The following AHRR variants were observed in gnomAD, a reference collection of about 807,000 sequenced individuals.
AHRR encodes the protein ahR repressor.
Under a neutral mutation model 44.0 loss-of-function variants are expected in AHRR, and 28 were observed. The ratio of observed to expected loss-of-function variants is 0.64; its 90% confidence interval spans 0.47 to 0.87. AHRR has a LOEUF of 0.87. AHRR is among the 40% of genes least tolerant of loss of function. AHRR has a pLI of 0.00. For missense variants in AHRR, 990 were observed against 953.9 expected (o/e 1.04, Z -0.50); for synonymous variants, 434 against 407.0 (o/e 1.07, Z -0.80).
chr5:422,847 C>G lies in AHRR; in HGVS notation c.560C>G (p.Pro187Arg). The G allele has an allele frequency of 6.2e-7, 1 of 1,611,380 alleles. No homozygotes were observed. Among genetic ancestry groups the G allele is most frequent in the South Asian group, 1.1e-5 (1 of 90,848 alleles). The change falls in exon 6 of 11, where the codon CCC (proline) becomes CGC (arginine). Residue 187 changes from proline to arginine, a missense_variant. By Grantham distance (103) the Pro-to-Arg change is moderately radical. Coordinates refer to ENST00000684583, the MANE Select transcript of AHRR (RefSeq NM_001377236.1). ...CAGGTGGTGTTTGGGCAGCCCCCGC[C>G]CTTGGAGACAGGTGGGTGTCTGGGG... ...PPQVVFGQPPPLETGDDAILG... is the reference protein window; with the variant it reads ...PPQVVFGQPPRLETGDDAILG...
chr5:385,000 C>T (rs777724383), intron 4 of AHRR, among the ~76,000 whole-genome samples: 3 of 151,966 alleles, frequency 2.0e-5, no homozygotes, highest in Non-Finnish European at 2.9e-5. Context: ...AAAAATTATC[C>T]GGGCGTGGTG....
chr5:413,949 C>G (rs1424120516), intron 5 of AHRR, among the ~76,000 whole-genome samples: 1 of 152,220 alleles, frequency 6.6e-6, no homozygotes, highest in Non-Finnish European at 1.5e-5. Context: ...AAGGGCAACT[C>G]ACCCGGGAAA....
intron 4 of AHRR, among the ~76,000 whole-genome samples, chr5:408,369 T>C (rs554586617): frequency 6.7e-6 from 1 of 150,064 alleles, no homozygotes; most frequent in East Asian, 1.9e-4. Context: ...CAGTAATTCC[T>C]ATTTTCCTGA....
chr5:407,956 G>T (rs1374488691), intron 4 of AHRR, among the ~76,000 whole-genome samples: 1 of 152,150 alleles, frequency 6.6e-6, no homozygotes, highest in East Asian at 1.9e-4. Flanking sequence ...TTTTCATACC[G>T]AATTGCATCA....
chr5:336,392 C>T (rs770240074), intron 1 of AHRR, among the ~76,000 whole-genome samples: 6 of 152,164 alleles, frequency 3.9e-5, no homozygotes, highest in East Asian at 3.8e-4. Context: ...GTGTGATCAT[C>T]GACACATTAT....
chr5:352,956 C>G (rs907006107), intron 2 of AHRR, among the ~76,000 whole-genome samples: 1 of 152,094 alleles, frequency 6.6e-6, no homozygotes, highest in Non-Finnish European at 1.5e-5. Flanking sequence ...GGGATGGTCA[C>G]TCTGAGGTGA....
At chr5:368,315 C>T (rs536275551) in intron 3 of AHRR, among the ~76,000 whole-genome samples, 2 of 152,146 alleles carry the variant, frequency 1.3e-5, no homozygotes, top group Non-Finnish European at 2.9e-5. Flanking sequence ...TGGGCCAGGG[C>T]GCTCCCTGGC....
chr5:371,823 G>A (rs1323128177), intron 3 of AHRR, among the ~76,000 whole-genome samples: 1 of 152,184 alleles, frequency 6.6e-6, no homozygotes, highest in Admixed American at 6.5e-5. Flanking sequence ...CTTGGGGGCC[G>A]CCTGCTCCTC....
intron 4 of AHRR, among the ~76,000 whole-genome samples, chr5:380,773 A>T (rs1490356422): frequency 6.6e-6 from 1 of 152,200 alleles, no homozygotes; most frequent in African/African-American, 2.4e-5. Context: ...GTCTCCAGAG[A>T]TACAAAACCA....
intron 3 of AHRR, among the ~76,000 whole-genome samples, chr5:365,490 T>G (rs1316736409): frequency 6.6e-6 from 1 of 152,162 alleles, no homozygotes; most frequent in Non-Finnish European, 1.5e-5. Context: ...TAAATAATCT[T>G]AAGTGTTTAT....
chr5:381,506 CTTTTTTTTTT>C (rs781159124), intron 4 of AHRR, among the ~76,000 whole-genome samples: 38 of 46,914 alleles, frequency 8.1e-4, no homozygotes, highest in South Asian at 4.3e-3. Context: ...CTTAGGTTTG[CTTTTTTTTTT>C]TTTTTTTTTT....
chr5:373,728 C>T (rs1380009723), intron 3 of AHRR, among the ~76,000 whole-genome samples: 1 of 151,132 alleles, frequency 6.6e-6, no homozygotes, highest in Non-Finnish European at 1.5e-5. Flanking sequence ...CTGGGGAGGC[C>T]GTGGCCGGGT....
At chr5:374,224 C>T (rs975728601) in intron 3 of AHRR, among the ~76,000 whole-genome samples, 14 of 152,148 alleles carry the variant, frequency 9.2e-5, no homozygotes, top group African/African-American at 3.4e-4. Flanking sequence ...GGGGGTCTCA[C>T]GGGGCGACCC....
intron 6 of AHRR, among the ~76,000 whole-genome samples, chr5:423,118 G>C (rs112995892): frequency 3.8e-4 from 58 of 152,196 alleles, no homozygotes; most frequent in African/African-American, 1.3e-3. Flanking sequence ...TGAGGTCACC[G>C]CCATTCTTGT....
In AHRR at chr5:400,779, G is replaced by T. The variant is rs556633369; in HGVS notation, c.352-12565G>T. Among the ~76,000 whole-genome samples, 135 of 152,300 alleles carry T rather than the reference G, an allele frequency of 8.9e-4. 2 individuals are homozygous for T. Among genetic ancestry groups the T allele is most frequent in the Middle Eastern group, 3.4e-3 (1 of 294 alleles). ...TGCCTTGTGAGTTAAAATTAAGGTTGCTTTTGGTTGTGACTAATCTCATAA... is the reference window on the plus strand; with the variant it reads ...TGCCTTGTGAGTTAAAATTAAGGTTTCTTTTGGTTGTGACTAATCTCATAA... On this transcript the variant is annotated intron_variant, in intron 4 of 10. Coordinates refer to ENST00000684583, the MANE Select transcript of AHRR (RefSeq NM_001377236.1).
intron 5 of AHRR, chr5:421,177 G>C: frequency 3.3e-6 from 2 of 599,828 alleles, no homozygotes; most frequent in South Asian, 3.7e-5. Flanking sequence ...CTGGCGCCCG[G>C]CTGGTGCCGG....
chr5:332,929 C>CTTTTTTTTTTT (rs57937804), intron 1 of AHRR, among the ~76,000 whole-genome samples: 1 of 132,082 alleles, frequency 7.6e-6, no homozygotes, highest in African/African-American at 3.0e-5. Flanking sequence ...TGACCTTTGT[C>CTTTTTTTTTTT]TTTTTTTTTT....
At chr5:398,163 C>T (rs1431458916) in intron 4 of AHRR, among the ~76,000 whole-genome samples, 2 of 139,138 alleles carry the variant, frequency 1.4e-5, no homozygotes, top group East Asian at 2.1e-4. Context: ...ATCCACGTAG[C>T]CCCTGACCAT....
chr5:392,723 T>G (rs1734524639), intron 4 of AHRR, among the ~76,000 whole-genome samples: 1 of 152,134 alleles, frequency 6.6e-6, no homozygotes, highest in South Asian at 2.1e-4. Flanking sequence ...GGTGGAGGCT[T>G]GCATGCTGTG....
Sources: allele counts gnomAD v4.1 joint callset (sites outside exome capture counted in the v4.1 genomes callset), GRCh38; gene constraint gnomAD v4.1.1; transcripts MANE v1.5; gene names NCBI Gene and HGNC (gene_info 2026-07-23, HGNC 2026-07-21).